The following PPP1R16B variants were observed in gnomAD, a reference collection of about 807,000 sequenced individuals.
PPP1R16B encodes protein phosphatase 1 regulatory subunit 16B.
PPP1R16B carries 14 observed loss-of-function variants against 61.7 expected under a neutral mutation model. The ratio of observed to expected loss-of-function variants is 0.23; its 90% CI spans 0.15 to 0.35. The LOEUF is 0.35. Among genes scored for constraint, PPP1R16B ranks in the 10% least tolerant of loss-of-function variants. The pLI is 1.00. For missense variants in PPP1R16B, 547 were observed against 752.5 expected, an observed-to-expected ratio of 0.73 and a Z score of 3.19; for synonymous variants, 266 against 305.3, an observed-to-expected ratio of 0.87 and a Z score of 1.34.
chr20:38,853,659 GA>G (rs1170866246), intron 2 of PPP1R16B, among the ~76,000 whole-genome samples: 1 of 152,204 alleles, frequency 6.6e-6, no homozygotes, highest in Non-Finnish European at 1.5e-5. Context: ...TTAGTGGATT[GA>G]AACAACAACT....
At chr20:38,836,508 A>G (rs1451185138) in intron 2 of PPP1R16B, among the ~76,000 whole-genome samples, 2 of 152,118 alleles carry the variant, frequency 1.3e-5, no homozygotes, top group Non-Finnish European at 2.9e-5. Context: ...TACTGCCACC[A>G]TACCCAGCTA....
chr20:38,856,363 C>T (rs942425199), intron 2 of PPP1R16B, among the ~76,000 whole-genome samples: 1 of 152,154 alleles, frequency 6.6e-6, no homozygotes, highest in Non-Finnish European at 1.5e-5. Flanking sequence ...TTGCCACTTC[C>T]TTAGGTCTTG....
chr20:38,817,296 C>T (rs1399612456), intron 1 of PPP1R16B, among the ~76,000 whole-genome samples: 1 of 152,170 alleles, frequency 6.6e-6, no homozygotes, highest in African/African-American at 2.4e-5. Context: ...GGTGTGGTGG[C>T]TCACAGCTAT....
intron 1 of PPP1R16B, among the ~76,000 whole-genome samples, chr20:38,816,263 G>A (rs1025979321): frequency 2.0e-5 from 3 of 152,126 alleles, no homozygotes; most frequent in African/African-American, 7.2e-5. Context: ...ACTGATTACC[G>A]ATCACTCAAA....
chr20:38,811,744 G>C (rs747668086), intron 1 of PPP1R16B, among the ~76,000 whole-genome samples: 47 of 152,294 alleles, frequency 3.1e-4, no homozygotes, highest in South Asian at 2.1e-4. Flanking sequence ...GGGGGATAGT[G>C]GGGGAGAGGA....
intron 2 of PPP1R16B, among the ~76,000 whole-genome samples, chr20:38,884,631 C>T (rs577675393): frequency 5.3e-5 from 8 of 152,328 alleles, no homozygotes; most frequent in Middle Eastern, 6.8e-3. Context: ...GGATTTTGAA[C>T]TTCATCCCAA....
Position 38,889,663 on chromosome 20 carries a change from C to T in PPP1R16B, c.319C>T (p.Gln107Ter). The T allele has an allele frequency of 6.3e-7, 1 of 1,587,836 alleles. No individual in the cohort carries two copies. Among genetic ancestry groups the T allele is most frequent in the Non-Finnish European group, 8.7e-7 (1 of 1,156,010 alleles). ...CNEDGLTALH[Q>*]CCIDNFEEIV... is the part of the protein sequence containing the mutation. ...TGAGGACGGACTCACAGCCCTACAC[C>T]AGGTAAGGCCGGGCTCGTTGGGGCT... is the stretch of plus-strand genomic sequence containing the variant. Residue 107 changes from glutamine (Q) to a stop codon, truncating the protein, a stop_gained and splice_region_variant, in exon 3 of 11, where the codon CAG becomes TAG. Coordinates refer to ENST00000299824, the MANE Select transcript of PPP1R16B (RefSeq NM_015568.4). LOFTEE classifies it high-confidence loss of function.
chr20:38,912,389 GCA>G (rs898597619), intron 10 of PPP1R16B, among the ~76,000 whole-genome samples: 1 of 151,646 alleles, frequency 6.6e-6, no homozygotes, highest in African/African-American at 2.4e-5. Flanking sequence ...CTTTGGCTGG[GCA>G]CAGTGGATCA....
rs775340581 is a variant in PPP1R16B, at chr20:38,849,681, ACAAC to A, written c.250+13507_250+13510del. ...TGATTTAAAAACAACAACAACAACA[ACAAC>A]AAAAAAAAAACAAAAAACTGTTTGT... On this transcript the variant is annotated intron_variant, in intron 2 of 10. Transcript: ENST00000299824. Among the ~76,000 whole-genome samples the A allele has an allele frequency of 5.4e-3, 773 of 144,344 alleles. 7 individuals are homozygous for A. Among genetic ancestry groups the A allele is most frequent in the African/African-American group, 0.017 (653 of 38,706 alleles). The allele number at this position is 144,344 out of a possible 152,430, so 94.7% of individuals were successfully genotyped here.
intron 10 of PPP1R16B, among the ~76,000 whole-genome samples, chr20:38,908,430 C>T (rs1402560588): frequency 6.6e-6 from 1 of 152,216 alleles, no homozygotes; most frequent in African/African-American, 2.4e-5. Context: ...AGAGGCTGAG[C>T]TGGGTGCTTT....
intron 2 of PPP1R16B, among the ~76,000 whole-genome samples, chr20:38,866,777 A>T (rs1050608558): frequency 1.3e-5 from 2 of 152,150 alleles, no homozygotes; most frequent in Non-Finnish European, 2.9e-5. Flanking sequence ...AACTCACAAA[A>T]CACAAAATTA....
chr20:38,809,537 A>G (rs1247274328), intron 1 of PPP1R16B, among the ~76,000 whole-genome samples: 1 of 152,098 alleles, frequency 6.6e-6, no homozygotes, highest in African/African-American at 2.4e-5. Context: ...TGACGAGCAG[A>G]TCCACATGGC....
chr20:38,808,259 G>T (rs1396085486), intron 1 of PPP1R16B, among the ~76,000 whole-genome samples: 3 of 152,186 alleles, frequency 2.0e-5, no homozygotes, highest in Non-Finnish European at 4.4e-5. Flanking sequence ...TGCCCCAAGT[G>T]TAGCAACAGA....
intron 2 of PPP1R16B, among the ~76,000 whole-genome samples, chr20:38,852,287 G>A (rs374945734): frequency 3.9e-5 from 6 of 152,128 alleles, no homozygotes; most frequent in Admixed American, 2.0e-4. Flanking sequence ...ATAATTTGGC[G>A]TCCCAGCCAG....
At chr20:38,894,865 C>T (rs899386552) in intron 3 of PPP1R16B, among the ~76,000 whole-genome samples, 2 of 152,200 alleles carry the variant, frequency 1.3e-5, no homozygotes, top group African/African-American at 2.4e-5. Flanking sequence ...GCTGCTGGCC[C>T]TTCCCCCTTA....
chr20:38,878,911 G>A (rs1180263346), intron 2 of PPP1R16B, among the ~76,000 whole-genome samples: 3 of 152,146 alleles, frequency 2.0e-5, no homozygotes, highest in Admixed American at 6.5e-5. Flanking sequence ...TGAGAGATGG[G>A]TTTTAGAGAG....
intron 2 of PPP1R16B, among the ~76,000 whole-genome samples, chr20:38,874,701 C>T (rs753352619): frequency 6.6e-6 from 1 of 152,154 alleles, no homozygotes; most frequent in African/African-American, 2.4e-5. Context: ...AACAGGAAGG[C>T]TTTGGGCTGC....
intron 1 of PPP1R16B, among the ~76,000 whole-genome samples, chr20:38,822,764 C>A (rs1289965798): frequency 6.6e-6 from 1 of 151,938 alleles, no homozygotes; most frequent in African/African-American, 2.4e-5. Context: ...CAGAAGAAAA[C>A]CCTGAAACTA....
intron 2 of PPP1R16B, among the ~76,000 whole-genome samples, chr20:38,867,130 C>G (rs1297100435): frequency 6.6e-6 from 1 of 152,126 alleles, no homozygotes; most frequent in East Asian, 1.9e-4. Flanking sequence ...TGGATAGACC[C>G]CCTGTCCCCC....
Sources: allele counts gnomAD v4.1 joint callset (sites outside exome capture counted in the v4.1 genomes callset), GRCh38; gene constraint gnomAD v4.1.1; transcripts MANE v1.5; gene names NCBI Gene and HGNC (gene_info 2026-07-23, HGNC 2026-07-21).